Variants in A2ML1 observed in about 807,000 individuals in gnomAD.
A2ML1 encodes the protein alpha-2-macroglobulin-like protein 1.
A neutral mutation model predicts 181.9 loss-of-function variants in A2ML1; 161 were observed. The observed-to-expected ratio is 0.89, with a 90% CI of 0.78 to 1.01. A2ML1 has a LOEUF of 1.01. A2ML1 is among the 50% of genes least tolerant of loss of function. A2ML1 has a pLI of 0.00. For synonymous variants in A2ML1, 663 were observed against 666.8 expected (o/e 0.99, Z 0.09); for missense variants, 1,670 against 1,768.1 (o/e 0.94, Z 1.00).
Position 8,823,894 on chromosome 12 carries a change from A to G in A2ML1, c.409+12A>G, listed in dbSNP as rs1304092038. The G allele has an allele frequency of 1.2e-6, 2 of 1,603,426 alleles. No individual in the cohort carries two copies. The highest frequency in any genetic ancestry group is 1.7e-5 in the Admixed American group (1 of 58,758). ...CCCAGGGCAGCAAGGTAAGAGTCAC[A>G]TATTTGGGGTTCGACTAAAACCTGG... On this transcript the variant is annotated intron_variant, in intron 3 of 35. Transcript: ENST00000299698.
At chr12:8,838,237 G>A (rs960526231) in intron 8 of A2ML1, 99 bp from the exon 9 acceptor site, 2 of 752,504 alleles carry the variant, frequency 2.7e-6, no homozygotes, top group South Asian at 2.2e-5. Flanking sequence ...CTGAAGTGTG[G>A]AGATGAGAAA....
intron 26 of A2ML1, among the ~76,000 whole-genome samples, chr12:8,859,993 C>G (rs1379152660): frequency 6.6e-6 from 1 of 152,142 alleles, no homozygotes; most frequent in African/African-American, 2.4e-5. Context: ...AGTCCTGCTG[C>G]AGATGAGCCA....
chr12:8,839,370 G>A (rs1943392165), intron 10 of A2ML1, 148 bp downstream of exon 10: 2 of 548,190 alleles, frequency 3.6e-6, no homozygotes, highest in Non-Finnish European at 6.5e-6. Context: ...ATGCAATGAG[G>A]CAGGCACTGT....
chr12:8,850,627 G>A (rs1943857597), intron 18 of A2ML1, among the ~76,000 whole-genome samples: 1 of 152,152 alleles, frequency 6.6e-6, no homozygotes, highest in African/African-American at 2.4e-5. Flanking sequence ...GTAAGATTCT[G>A]CAATGTAGAG....
rs1167899351 is a variant in A2ML1 at position 8,842,323 on chromosome 12, T to TTC, written c.1248+790_1248+791dup. Among the ~76,000 whole-genome samples, 9 of 151,974 alleles carry TTC rather than the reference T, an allele frequency of 5.9e-5. No homozygotes were observed. In the South Asian group the frequency reaches 1.9e-3, roughly 32 times the overall value. ...AGCTCCGCCTCCCCGGTTCACGCCA[T>TTC]TCTCCTGCCTCAGCCTCCCCGAGTA... On this transcript the variant is annotated intron_variant, in intron 11 of 35. Transcript: ENST00000299698.
intron 13 of A2ML1, 132 bp downstream of exon 13, chr12:8,845,634 T>G: frequency 1.3e-6 from 1 of 790,782 alleles, no homozygotes; most frequent in South Asian, 1.7e-5. Context: ...GATCACGATG[T>G]CGGGAGATCG....
chr12:8,848,698 T>C, intron 15 of A2ML1, 22 bp from the exon 16 acceptor site: 1 of 1,570,106 alleles, frequency 6.4e-7, no homozygotes, highest in Non-Finnish European at 8.6e-7. Context: ...ATGCTTTATT[T>C]CCTCTCCCCC....
intron 4 of A2ML1, among the ~76,000 whole-genome samples, chr12:8,831,935 A>T (rs375294281): frequency 1.2e-4 from 19 of 152,276 alleles, no homozygotes; most frequent in East Asian, 9.6e-4. Context: ...CTTTTAGTAG[A>T]GACGGGGTTT....
chr12:8,880,842 A>T (rs1006060578), downstream of A2ML1, among the ~76,000 whole-genome samples: 1 of 152,236 alleles, frequency 6.6e-6, no homozygotes, highest in African/African-American at 2.4e-5. Context: ...GGCAGCAAAC[A>T]AAAGAGTCAT....
chr12:8,837,354 T>G, intron 7 of A2ML1, 86 bp from the exon 8 acceptor site: 51 of 1,525,262 alleles, frequency 3.3e-5, no homozygotes, highest in Middle Eastern at 1.8e-4. Flanking sequence ...GGCTGGAGTG[T>G]GAGAGGGAAG....
intron 33 of A2ML1, among the ~76,000 whole-genome samples, chr12:8,873,901 C>T (rs1308742223): frequency 1.3e-5 from 2 of 151,962 alleles, no homozygotes; most frequent in African/African-American, 2.4e-5. Context: ...GGCCAGAGAG[C>T]TGTAAGATCC....
rs2136781223 is a variant in A2ML1, at chr12:8,838,348, G to A, written c.868G>A (p.Gly290Arg). ...ATCACCTCACTAGACTGACAAAACAGGATGTTTCTCAGCACCTGTGGACAT... is the reference window on the plus strand; with the variant it reads ...ATCACCTCACTAGACTGACAAAACAAGATGTTTCTCAGCACCTGTGGACAT... Reference protein sequence around the residue: ...RNLSGQTDKTGCFSAPVDMAT... With the variant: ...RNLSGQTDKTRCFSAPVDMAT... The change falls in exon 9 of 36, where the codon GGA becomes AGA. Residue 290 changes from glycine (G) to arginine (R), a missense_variant. By Grantham distance (125) the Gly-to-Arg change is moderately radical. Coordinates refer to ENST00000299698, the MANE Select transcript of A2ML1 (RefSeq NM_144670.6). 6.2e-7 allele frequency: 1 copy of A among 1,613,156 alleles called. No homozygotes were observed. The highest frequency in any genetic ancestry group is 8.5e-7 in the Non-Finnish European group (1 of 1,179,384).
chr12:8,865,528 A>G (rs1592152283), intron 29 of A2ML1, among the ~76,000 whole-genome samples: 1 of 152,288 alleles, frequency 6.6e-6, no homozygotes, highest in Non-Finnish European at 1.5e-5. Context: ...AACAAGAGTT[A>G]AAACTCCGTC....
At chr12:8,830,334 GAGCCACCATGCTC>G (rs1490853608) in intron 4 of A2ML1, among the ~76,000 whole-genome samples, 1 of 152,080 alleles carries the variant, frequency 6.6e-6, no homozygotes, top group Non-Finnish European at 1.5e-5. Flanking sequence ...TTACAGACAA[GAGCCACCATGCTC>G]AGCCCCCTTT....
chr12:8,834,688 CG>C lies in A2ML1; in HGVS notation c.483+8del, dbSNP rs1213773657. 2 of 1,613,984 alleles carry C rather than the reference CG, an allele frequency of 1.2e-6. No individual in the cohort carries two copies. Among genetic ancestry groups the C allele is most frequent in the African/African-American group, 2.7e-5 (2 of 74,930 alleles). Reference sequence around the variant, plus strand: ...ACTCCATGGTGGAACTACAGGTAAGCGGAAGTTTCTTTCTCTTCTCTGTCAG... The same window carrying C: ...ACTCCATGGTGGAACTACAGGTAAGCGAAGTTTCTTTCTCTTCTCTGTCAG... On this transcript the variant is annotated splice_region_variant and intron_variant, in intron 5 of 35. Coordinates refer to ENST00000299698, the MANE Select transcript of A2ML1 (RefSeq NM_144670.6).
rs958632131 is a variant in A2ML1 at position 8,854,160 on chromosome 12, C to T, written c.2623C>T (p.Leu875=). The change falls in exon 21 of 36, where the codon CTG becomes TTG. Residue 875 remains leucine, a synonymous_variant. Coordinates refer to ENST00000299698, the MANE Select transcript of A2ML1 (RefSeq NM_144670.6). ...HINFTISTKI[L]DSNEPCGGQK... ...TAACTTTACTATTAGTACAAAGATT[C>T]TGGACAGCAATGAACCATGTGGGGG... 9 of 1,604,400 alleles carry T rather than the reference C, an allele frequency of 5.6e-6. No homozygotes were observed. The highest frequency in any genetic ancestry group is 6.8e-6 in the Non-Finnish European group (8 of 1,175,114).
rs1471171368 is a variant in A2ML1 at position 8,861,294 on chromosome 12, TC to T, written c.3500del (p.Ser1167Ter). On this transcript the variant is annotated frameshift_variant and splice_region_variant, in exon 28 of 36. Transcript: ENST00000299698. LOFTEE classifies it high-confidence loss of function. ...LKQLDQQAII[S>X]GESIYWSQKP... is the part of the protein sequence containing the mutation. Reference sequence around the variant, plus strand: ...ACAGTTAGATCAACAGGCTATCATCTCAGGTATGTTGGTCCTGTTGAGAGTT... The same window carrying T: ...ACAGTTAGATCAACAGGCTATCATCTAGGTATGTTGGTCCTGTTGAGAGTT... 1 of 1,613,998 alleles carries T rather than the reference TC, an allele frequency of 6.2e-7. No individual in the cohort carries two copies. Among genetic ancestry groups the T allele is most frequent in the Non-Finnish European group, 8.5e-7 (1 of 1,180,006 alleles).
At chr12:8,882,010 CAA>C (rs762931509) in intron 7 of A2ML1, among the ~76,000 whole-genome samples, 3 of 114,692 alleles carry the variant, frequency 2.6e-5, no homozygotes, top group African/African-American at 3.3e-5. Flanking sequence ...GACTCTGTCT[CAA>C]AAAAAAAAAA....
At chr12:8,839,087 T>A (rs1230137753) in intron 9 of A2ML1, 26 bp from the exon 10 acceptor site, 3 of 1,518,104 alleles carry the variant, frequency 2.0e-6, no homozygotes, top group Non-Finnish European at 2.7e-6. Flanking sequence ...TGCCTAGATC[T>A]TTATACATCT....
Sources: allele counts gnomAD v4.1 joint callset (sites outside exome capture counted in the v4.1 genomes callset), GRCh38; gene constraint gnomAD v4.1.1; transcripts MANE v1.5; gene names NCBI Gene and HGNC (gene_info 2026-07-23, HGNC 2026-07-21).